The following STMN4 variants were observed in gnomAD, a reference collection of about 807,000 sequenced individuals.
The protein encoded by STMN4 is stathmin-4.
Under a neutral mutation model 29.1 loss-of-function variants are expected in STMN4, and 12 were observed. That is an observed-to-expected ratio of 0.41 (90% CI 0.26 to 0.67). The LOEUF (loss-of-function observed/expected upper bound fraction) is 0.67, where lower values mean the gene tolerates loss of function less well. Among genes scored for constraint, STMN4 ranks in the 30% least tolerant of loss-of-function variants. The pLI is 0.30. For synonymous variants in STMN4, 114 were observed against 105.3 expected (o/e 1.08, Z -0.51); for missense variants, 181 against 262.8 (o/e 0.69, Z 2.15).
intron 1 of STMN4, among the ~76,000 whole-genome samples, chr8:27,246,200 T>C (rs1048695981): frequency 1.3e-5 from 2 of 152,018 alleles, no homozygotes; most frequent in Non-Finnish European, 2.9e-5. Context: ...TGGAAGGAAA[T>C]GGGCTAGGAG....
At chr8:27,241,854 A>G in intron 3 of STMN4, 97 bp from the exon 4 acceptor site, 1 of 1,441,386 alleles carries the variant, frequency 6.9e-7, no homozygotes, top group Non-Finnish European at 9.7e-7. Flanking sequence ...GGACATTAGG[A>G]GGTGACCTGG....
intron 6 of STMN4, 74 bp downstream of exon 6, chr8:27,239,897 A>T (rs1302191799): frequency 6.2e-7 from 1 of 1,609,968 alleles, no homozygotes; most frequent in African/African-American, 1.3e-5. Flanking sequence ...GATGATCAGC[A>T]GGTCCCCGCA....
chr8:27,237,667 G>A (rs961955988), intron 6 of STMN4, among the ~76,000 whole-genome samples: 8 of 152,190 alleles, frequency 5.3e-5, no homozygotes, highest in Non-Finnish European at 7.3e-5. Context: ...TCACAGGGTA[G>A]TGCAGCCAAA....
At chr8:27,245,699 G>C (rs776958266) in intron 1 of STMN4, among the ~76,000 whole-genome samples, 1 of 152,192 alleles carries the variant, frequency 6.6e-6, no homozygotes, top group Non-Finnish European at 1.5e-5. Flanking sequence ...CAGTGGCCTT[G>C]GACTTCTACC....
chr8:27,241,328 G>A (rs972688094), intron 4 of STMN4, 66 bp from the exon 5 acceptor site: 15 of 1,594,132 alleles, frequency 9.4e-6, no homozygotes, highest in Non-Finnish European at 1.3e-5. Context: ...CAAGCATGCG[G>A]CGCATGCACA....
chr8:27,239,153 T>A, intron 6 of STMN4: 3 of 1,496,716 alleles, frequency 2.0e-6, no homozygotes, highest in Non-Finnish European at 1.8e-6. Context: ...AACCAGATCC[T>A]TCTAGGACCT....
chr8:27,236,321 T>C lies in STMN4; in HGVS notation c.*525A>G, dbSNP rs1350068269. On this transcript the variant is annotated 3_prime_UTR_variant, in exon 7 of 7. Coordinates refer to ENST00000350889, the MANE Select transcript of STMN4 (RefSeq NM_030795.4). Reference sequence around the variant, plus strand: ...CTTGGAGTCAATGTTTCATTGGTCATGATGATCAAAAAATGATGGTTCACA... The same window carrying C: ...CTTGGAGTCAATGTTTCATTGGTCACGATGATCAAAAAATGATGGTTCACA... The C allele has an allele frequency of 6.6e-6, 1 of 152,366 alleles. No individual in the cohort carries two copies. Among genetic ancestry groups the C allele is most frequent in the African/African-American group, 2.4e-5 (1 of 41,434 alleles). The allele number at this position is 152,366 out of a possible 1,614,324, so 9.4% of individuals were successfully genotyped here.
chr8:27,239,758 C>A, intron 6 of STMN4: 1 of 1,505,628 alleles, frequency 6.6e-7, no homozygotes, highest in South Asian at 1.3e-5. Flanking sequence ...TGCAGAATAT[C>A]CCCCAAGGAA....
intron 1 of STMN4, 89 bp from the exon 2 acceptor site, chr8:27,243,890 C>A: frequency 1.7e-6 from 2 of 1,202,624 alleles, no homozygotes; most frequent in South Asian, 1.4e-5. Flanking sequence ...GGGAGGGAAT[C>A]TCAGGGGTAC....
At chr8:27,242,122 C>T (rs1275139800) in intron 3 of STMN4, 2 of 567,768 alleles carry the variant, frequency 3.5e-6, no homozygotes, top group Non-Finnish European at 6.3e-6. Context: ...TTGCATACCC[C>T]CCAGTCTCGA....
chr8:27,248,217 CTATTTATTTATT>C (rs140800660), intron 1 of STMN4, among the ~76,000 whole-genome samples: 102 of 152,058 alleles, frequency 6.7e-4, no homozygotes, highest in Admixed American at 1.2e-3. Flanking sequence ...AGAGAGGACT[CTATTTATTTATT>C]TATTTATTTA....
At chr8:27,244,366 A>T (rs1801564483) in intron 1 of STMN4, among the ~76,000 whole-genome samples, 1 of 152,148 alleles carries the variant, frequency 6.6e-6, no homozygotes, top group Non-Finnish European at 1.5e-5. Context: ...TATTTAAGAC[A>T]ATCCGGGACA....
chr8:27,257,469 C>A (rs1586026969), intron 1 of STMN4, among the ~76,000 whole-genome samples: 2 of 109,014 alleles, frequency 1.8e-5, no homozygotes, highest in African/African-American at 5.4e-5. Flanking sequence ...AACACACACA[C>A]ACACACACAC....
At chr8:27,238,758 A>G (rs1278432455) in intron 6 of STMN4, among the ~76,000 whole-genome samples, 1 of 152,206 alleles carries the variant, frequency 6.6e-6, no homozygotes, top group African/African-American at 2.4e-5. Context: ...CTTTGTTGAC[A>G]TGTTTTTCTC....
At chr8:27,256,839 T>C (rs771707226) in intron 1 of STMN4, among the ~76,000 whole-genome samples, 2 of 152,144 alleles carry the variant, frequency 1.3e-5, no homozygotes, top group Non-Finnish European at 2.9e-5. Context: ...AAAGCCTCCC[T>C]GCTGGGTGGC....
At position 27,240,139 on chromosome 8, in the gene STMN4, T is replaced by C; in HGVS notation, c.423A>G (p.Lys141=). The change falls in exon 6 of 7, where the codon AAA becomes AAG. Residue 141 remains lysine (K), a synonymous_variant. Transcript: ENST00000350889. The part of the protein sequence containing the change: ...RRKYQEAELL[K]HLAEKREHER... ...CATGTTCCCGTTTCTCTGCTAGGTG[T>C]TTCAGGAGCTCCGCTTCCTGGTACT... 1 of 1,613,976 alleles carries C rather than the reference T, an allele frequency of 6.2e-7. No homozygotes were observed. Among genetic ancestry groups the C allele is most frequent in the Non-Finnish European group, 8.5e-7 (1 of 1,179,928 alleles).
chr8:27,239,299 C>G lies in STMN4; in HGVS notation c.591+672G>C, dbSNP rs1408928072. 4 of 1,535,546 alleles carry G rather than the reference C, an allele frequency of 2.6e-6. No homozygotes were observed. In the East Asian group the frequency reaches 7.3e-5, roughly 28 times the overall value. On this transcript the variant is annotated intron_variant, in intron 6 of 6. Coordinates refer to ENST00000350889, the MANE Select transcript of STMN4 (RefSeq NM_030795.4). ...CGGTTCCTGGAAATAAAACACAGAGCTGGAGCTCTCCCAGGAGCTGCAGGA... is the reference window on the plus strand; with the variant it reads ...CGGTTCCTGGAAATAAAACACAGAGGTGGAGCTCTCCCAGGAGCTGCAGGA...
intron 1 of STMN4, among the ~76,000 whole-genome samples, chr8:27,251,935 T>C (rs1442221149): frequency 6.6e-6 from 1 of 151,844 alleles, no homozygotes; most frequent in Admixed American, 6.5e-5. Context: ...GCATTAGGTA[T>C]ATCTCCCAAT....
At chr8:27,237,946 G>T (rs141848542) in intron 6 of STMN4, among the ~76,000 whole-genome samples, 2 of 152,152 alleles carry the variant, frequency 1.3e-5, no homozygotes, top group Non-Finnish European at 2.9e-5. Flanking sequence ...AACCAATGTT[G>T]TCCCTCCCAG....
Sources: allele counts gnomAD v4.1 joint callset (sites outside exome capture counted in the v4.1 genomes callset), GRCh38; gene constraint gnomAD v4.1.1; transcripts MANE v1.5; gene names NCBI Gene and HGNC (gene_info 2026-07-23, HGNC 2026-07-21).